Variants in GPRASP3 observed in about 807,000 individuals in gnomAD.
GPRASP3 encodes G protein-coupled receptor associated sorting protein family member 3.
the GPRASP3 span, among the ~76,000 whole-genome samples, chrX:102,735,933 A>C: frequency 2.7e-5 from 3 of 112,159 alleles, no homozygotes; most frequent in Non-Finnish European, 5.6e-5. Flanking sequence ...TACACTGTTG[A>C]CTCTTAGCAA....
the GPRASP3 span, among the ~76,000 whole-genome samples, chrX:102,727,516 C>G: frequency 1.4e-4 from 16 of 112,136 alleles, no homozygotes; most frequent in South Asian, 7.4e-4. Flanking sequence ...GAATTAGCCT[C>G]TCTGTGACAT....
chrX:102,747,431 T>C, the GPRASP3 span, among the ~76,000 whole-genome samples: 1 of 111,817 alleles, frequency 8.9e-6, no homozygotes, highest in Non-Finnish European at 1.9e-5. Flanking sequence ...ACATAGGTGG[T>C]GAATAAAGTA....
chrX:102,746,167 C>G, the GPRASP3 span: 1 of 111,457 alleles, frequency 9.0e-6, no homozygotes, highest in African/African-American at 3.3e-5. Context: ...GGCCCTGGGC[C>G]TCTGAAGGCA....
At chrX:102,734,001 C>A in the GPRASP3 span, among the ~76,000 whole-genome samples, 1 of 109,655 alleles carries the variant, frequency 9.1e-6, no homozygotes, top group East Asian at 2.9e-4. Flanking sequence ...ACAAGGTGCT[C>A]AGTGGGGGAA....
the GPRASP3 span, among the ~76,000 whole-genome samples, chrX:102,734,836 T>C: frequency 9.9e-5 from 11 of 111,585 alleles, no homozygotes; most frequent in Non-Finnish European, 2.1e-4. Context: ...TTTATGCAAA[T>C]ACAGCCCAAA....
the GPRASP3 span, among the ~76,000 whole-genome samples, chrX:102,741,068 G>A: frequency 9.0e-6 from 1 of 111,391 alleles, no homozygotes; most frequent in Non-Finnish European, 1.9e-5. Flanking sequence ...GTTACCATTG[G>A]TGAATCTGTA....
At chrX:102,734,831 G>T in the GPRASP3 span, among the ~76,000 whole-genome samples, 4 of 111,316 alleles carry the variant, frequency 3.6e-5, no homozygotes, top group African/African-American at 1.3e-4. Context: ...ACATATTTAT[G>T]CAAATACAGC....
At chrX:102,736,412 G>A in the GPRASP3 span, among the ~76,000 whole-genome samples, 1 of 111,877 alleles carries the variant, frequency 8.9e-6, no homozygotes, top group Non-Finnish European at 1.9e-5. Flanking sequence ...GTAGTTGTAA[G>A]ATTTTTCATT....
At chrX:102,748,883 T>G in the GPRASP3 span, 2 of 792,798 alleles carry the variant, frequency 2.5e-6, no homozygotes, top group East Asian at 6.5e-5. Context: ...TTGACTCTAA[T>G]TCTTGCTACC....
chrX:102,745,977 C>G, the GPRASP3 span: 11 of 111,909 alleles, frequency 9.8e-5, no homozygotes, highest in African/African-American at 3.6e-4. Flanking sequence ...CCCCCCTTCC[C>G]GACACCCTCG....
chrX:102,723,797 G>T, the GPRASP3 span, among the ~76,000 whole-genome samples: 1 of 111,456 alleles, frequency 9.0e-6, no homozygotes, highest in African/African-American at 3.3e-5. Flanking sequence ...AACCTTCAGG[G>T]AAGGTAGTGG....
the GPRASP3 span, chrX:102,752,490 G>A: frequency 8.1e-6 from 1 of 123,241 alleles, no homozygotes. Context: ...GGTATATAGT[G>A]TTGTAAACCT....
the GPRASP3 span, among the ~76,000 whole-genome samples, chrX:102,731,387 G>T: frequency 8.9e-6 from 1 of 112,229 alleles, no homozygotes; most frequent in East Asian, 2.8e-4. Context: ...ACTTTGGGAG[G>T]CCGAGGCAGG....
chrX:102,736,107 G>A, the GPRASP3 span, among the ~76,000 whole-genome samples: 11 of 111,880 alleles, frequency 9.8e-5, no homozygotes, highest in East Asian at 5.6e-4. Flanking sequence ...CAGGCAAGTC[G>A]AACAATTTTC....
At chrX:102,751,001 TAGAG>T in the GPRASP3 span, 2 of 139,298 alleles carry the variant, frequency 1.4e-5, no homozygotes. Context: ...TAACAGTACC[TAGAG>T]AGAGAGTGTG....
At chrX:102,748,626 C>T in the GPRASP3 span, 1 of 148,846 alleles carries the variant, frequency 6.7e-6, no homozygotes, top group Non-Finnish European at 1.3e-5. Context: ...CTCCTATGTC[C>T]TTCTGTGTGG....
At chrX:102,746,727 G>C in the GPRASP3 span, among the ~76,000 whole-genome samples, 1 of 112,787 alleles carries the variant, frequency 8.9e-6, no homozygotes, top group Admixed American at 9.3e-5. Flanking sequence ...AGGTCTGTTG[G>C]GTTCTCCAAA....
the GPRASP3 span, chrX:102,752,592 T>C: frequency 2.4e-5 from 3 of 123,768 alleles, no homozygotes; most frequent in East Asian, 2.8e-4. Flanking sequence ...TTAACACTTA[T>C]CTTTTCAATT....
At chrX:102,747,190 A>C in the GPRASP3 span, among the ~76,000 whole-genome samples, 3 of 112,122 alleles carry the variant, frequency 2.7e-5, no homozygotes, top group East Asian at 8.4e-4. Flanking sequence ...ATATCTGAGG[A>C]GCTATGAGAG....
Sources: allele counts gnomAD v4.1 joint callset (sites outside exome capture counted in the v4.1 genomes callset), GRCh38; gene constraint gnomAD v4.1.1; transcripts MANE v1.5; gene names NCBI Gene and HGNC (gene_info 2026-07-23, HGNC 2026-07-21).